The following CLPB variants were observed in gnomAD, a reference collection of about 807,000 sequenced individuals.
The protein encoded by CLPB is mitochondrial disaggregase.
In CLPB, 40 loss-of-function variants were observed where a neutral mutation model predicts 78.4. The ratio of observed to expected loss-of-function variants is 0.51; its 90% CI spans 0.40 to 0.66. CLPB has a LOEUF of 0.66. CLPB is among the 30% of genes least tolerant of loss of function. CLPB has a pLI of 0.00. For synonymous variants in CLPB, 333 were observed against 348.0 expected, an observed-to-expected ratio of 0.96 and a Z score of 0.48; for missense variants, 780 against 886.9, an observed-to-expected ratio of 0.88 and a Z score of 1.53.
chr11:72,401,314 G>A (rs563709646), intron 3 of CLPB, among the ~76,000 whole-genome samples: 9 of 152,176 alleles, frequency 5.9e-5, no homozygotes, highest in Middle Eastern at 3.4e-3. Context: ...GGTGGTGTGC[G>A]CCTGTAGTCC....
chr11:72,359,489 G>A (rs546390140), intron 4 of CLPB, among the ~76,000 whole-genome samples: 1 of 152,092 alleles, frequency 6.6e-6, no homozygotes, highest in Admixed American at 6.5e-5. Flanking sequence ...GGAAAGAGTG[G>A]GGCAGGAGAC....
intron 11 of CLPB, among the ~76,000 whole-genome samples, chr11:72,297,692 T>TGTGTGTGC (rs2135491897): frequency 1.7e-5 from 2 of 117,906 alleles, no homozygotes; most frequent in Non-Finnish European, 3.3e-5. Flanking sequence ...TGTGTGTGTG[T>TGTGTGTGC]GTGTGTGTGT....
intron 5 of CLPB, among the ~76,000 whole-genome samples, chr11:72,332,549 G>A (rs1212808930): frequency 6.6e-6 from 1 of 151,826 alleles, no homozygotes; most frequent in African/African-American, 2.4e-5. Context: ...AAGCAAAGGA[G>A]GTATACAATT....
At chr11:72,402,911 GCA>G in intron 3 of CLPB, 53 bp downstream of exon 3, 3 of 1,468,108 alleles carry the variant, frequency 2.0e-6, no homozygotes, top group Non-Finnish European at 2.9e-6. Flanking sequence ...GTGCTCAGGA[GCA>G]CAGTCTGCAG....
At chr11:72,295,412 G>A (rs928137456) in intron 12 of CLPB, 80 bp downstream of exon 12, 1 of 1,502,408 alleles carries the variant, frequency 6.7e-7, no homozygotes, top group Non-Finnish European at 9.1e-7. Flanking sequence ...CCTGGGCCCA[G>A]GGCCCCAATC....
At chr11:72,323,784 G>C (rs1470649361) in intron 6 of CLPB, among the ~76,000 whole-genome samples, 1 of 152,048 alleles carries the variant, frequency 6.6e-6, no homozygotes, top group Non-Finnish European at 1.5e-5. Context: ...TGTGAGATAG[G>C]AATAACATCT....
intron 5 of CLPB, among the ~76,000 whole-genome samples, chr11:72,334,440 T>C (rs931570940): frequency 1.3e-5 from 2 of 152,230 alleles, no homozygotes; most frequent in African/African-American, 4.8e-5. Context: ...AGGGGTACCA[T>C]GGATAGTGTC....
At chr11:72,337,678 A>AT (rs1020122846) in intron 5 of CLPB, among the ~76,000 whole-genome samples, 1 of 152,128 alleles carries the variant, frequency 6.6e-6, no homozygotes, top group South Asian at 2.1e-4. Context: ...AATAAAAAGT[A>AT]TTTTTTTAGG....
intron 6 of CLPB, among the ~76,000 whole-genome samples, chr11:72,320,935 A>T (rs993221926): frequency 1.3e-5 from 2 of 150,768 alleles, no homozygotes; most frequent in African/African-American, 4.9e-5. Flanking sequence ...CTGGTCTTGA[A>T]CTCCTGACCT....
At position 72,329,683 on chromosome 11, in the gene CLPB, C is replaced by T. The variant is rs201456501; in HGVS notation, c.873+24G>A. The T allele has an allele frequency of 3.4e-5, 51 of 1,518,782 alleles. No individual in the cohort carries two copies. In the Admixed American group the frequency reaches 8.6e-4, roughly 25 times the overall value. 94.1% of individuals were successfully genotyped at this position (1,518,782 alleles called of 1,614,324 possible). ...AAATGATGCATGGAGTACCCACAGGCCTCCTCCCTTCCCTGAGACTTACCT... is the reference window on the plus strand; with the variant it reads ...AAATGATGCATGGAGTACCCACAGGTCTCCTCCCTTCCCTGAGACTTACCT... On this transcript the variant is annotated intron_variant, in intron 6 of 15. Transcript: ENST00000538039.
chr11:72,344,352 G>A (rs1950473947), intron 5 of CLPB, among the ~76,000 whole-genome samples: 1 of 151,360 alleles, frequency 6.6e-6, no homozygotes, highest in Admixed American at 6.6e-5. Flanking sequence ...GGGACCACAG[G>A]CACATCACCA....
At chr11:72,375,525 C>T (rs1854663277) in intron 4 of CLPB, among the ~76,000 whole-genome samples, 1 of 152,210 alleles carries the variant, frequency 6.6e-6, no homozygotes, top group African/African-American at 2.4e-5. Flanking sequence ...TGGCAATCTC[C>T]AACTCATCCT....
At chr11:72,332,564 G>A (rs1374792786) in intron 5 of CLPB, among the ~76,000 whole-genome samples, 1 of 152,024 alleles carries the variant, frequency 6.6e-6, no homozygotes, top group Non-Finnish European at 1.5e-5. Flanking sequence ...ACAATTCAGT[G>A]GTTTAAAATA....
chr11:72,295,772 C>G, intron 11 of CLPB, 124 bp from the exon 12 acceptor site: 5 of 905,264 alleles, frequency 5.5e-6, no homozygotes, highest in Non-Finnish European at 8.4e-6. Flanking sequence ...CCAGCCCCAG[C>G]AGCCAGCTGC....
chr11:72,409,581 G>C (rs1016513135), intron 2 of CLPB, among the ~76,000 whole-genome samples: 1 of 151,800 alleles, frequency 6.6e-6, no homozygotes, highest in Non-Finnish European at 1.5e-5. Flanking sequence ...GAGGCTCCAT[G>C]TCAAAAACAA....
intron 4 of CLPB, among the ~76,000 whole-genome samples, chr11:72,365,584 A>G (rs1034267671): frequency 2.7e-5 from 4 of 150,622 alleles, no homozygotes; most frequent in Non-Finnish European, 4.4e-5. Context: ...TAGAACCAAA[A>G]AGAGTCCAAA....
intron 11 of CLPB, among the ~76,000 whole-genome samples, chr11:72,299,952 T>C (rs1449086193): frequency 1.3e-5 from 2 of 152,296 alleles, no homozygotes; most frequent in East Asian, 3.9e-4. Flanking sequence ...CCTTCTGTTT[T>C]TTGGGCCAAG....
chr11:72,321,124 G>C (rs1475042918), intron 6 of CLPB, among the ~76,000 whole-genome samples: 2 of 152,146 alleles, frequency 1.3e-5, no homozygotes, highest in Non-Finnish European at 2.9e-5. Flanking sequence ...GAGAAAGAAG[G>C]ATGGGAGGAG....
intron 7 of CLPB, among the ~76,000 whole-genome samples, chr11:72,313,460 C>T (rs1949883518): frequency 1.3e-5 from 2 of 152,242 alleles, no homozygotes; most frequent in Non-Finnish European, 2.9e-5. Flanking sequence ...TGTGCGTGAG[C>T]TCAGGCTTCA....
Sources: allele counts gnomAD v4.1 joint callset (sites outside exome capture counted in the v4.1 genomes callset), GRCh38; gene constraint gnomAD v4.1.1; transcripts MANE v1.5; gene names NCBI Gene and HGNC (gene_info 2026-07-23, HGNC 2026-07-21).